Variants in HS3ST4 observed in about 807,000 individuals in gnomAD.
HS3ST4 encodes the protein heparan sulfate glucosamine 3-O-sulfotransferase 4.
HS3ST4 carries 17 observed loss-of-function variants against 29.2 expected under a neutral mutation model. The ratio of observed to expected loss-of-function variants is 0.58; its 90% CI spans 0.40 to 0.87. The LOEUF (loss-of-function observed/expected upper bound fraction) is 0.87, where lower values mean the gene tolerates loss of function less well. Ranked by LOEUF, HS3ST4 falls within the 40% of genes least tolerant of loss-of-function variation. The probability of loss-of-function intolerance (pLI) is 0.00; values close to 1 mark genes in which losing one functional copy is unlikely to be tolerated. For missense variants in HS3ST4, 627 were observed against 634.5 expected, an observed-to-expected ratio of 0.99 and a Z score of 0.13; for synonymous variants, 314 against 285.7, an observed-to-expected ratio of 1.10 and a Z score of -1.00.
intron 1 of HS3ST4, among the ~76,000 whole-genome samples, chr16:25,764,146 G>A (rs77850122): frequency 0.024 from 3,645 of 152,240 alleles, 157 homozygotes; most frequent in East Asian, 0.15. Context: ...AGGTGTGTGC[G>A]GGAAGATGAT....
intron 1 of HS3ST4, among the ~76,000 whole-genome samples, chr16:26,038,720 A>G (rs544296350): frequency 0.016 from 2,465 of 151,858 alleles, 64 homozygotes; most frequent in African/African-American, 0.055. Context: ...GGCTCTCAAA[A>G]TTGTCCAGGC....
intron 1 of HS3ST4, among the ~76,000 whole-genome samples, chr16:25,749,352 G>C (rs1052427604): frequency 3.9e-5 from 6 of 152,028 alleles, no homozygotes; most frequent in Admixed American, 1.3e-4. Flanking sequence ...AAAATTAGCT[G>C]GGCGTGGTGA....
At chr16:26,089,653 A>G (rs1898830521) in intron 1 of HS3ST4, among the ~76,000 whole-genome samples, 1 of 152,238 alleles carries the variant, frequency 6.6e-6, no homozygotes, top group African/African-American at 2.4e-5. Context: ...AGGAAAAGCC[A>G]GAGTTTTGTT....
chr16:25,896,245 C>T (rs972427765), intron 1 of HS3ST4, among the ~76,000 whole-genome samples: 2 of 152,098 alleles, frequency 1.3e-5, no homozygotes, highest in South Asian at 2.1e-4. Flanking sequence ...TCAACAGAGC[C>T]AAGTCAAAAA....
chr16:25,782,889 A>C (rs1966853907), intron 1 of HS3ST4, among the ~76,000 whole-genome samples: 1 of 152,190 alleles, frequency 6.6e-6, no homozygotes, highest in African/African-American at 2.4e-5. Flanking sequence ...TAATAGTTTA[A>C]AAAATCCTTT....
intron 1 of HS3ST4, among the ~76,000 whole-genome samples, chr16:25,963,680 C>T (rs558972814): frequency 1.3e-5 from 2 of 152,346 alleles, no homozygotes; most frequent in East Asian, 1.9e-4. Context: ...TGGAGGCAAA[C>T]GTTCTTCCTC....
intron 1 of HS3ST4, chr16:26,032,671 C>T (rs1842578378): frequency 6.7e-6 from 9 of 1,345,446 alleles, no homozygotes; most frequent in Non-Finnish European, 7.4e-6. Flanking sequence ...TCTCTCCCTT[C>T]TTTGCAGGGG....
chr16:26,073,473 C>G (rs1056487082), intron 1 of HS3ST4, among the ~76,000 whole-genome samples: 2 of 152,098 alleles, frequency 1.3e-5, no homozygotes, highest in African/African-American at 2.4e-5. Flanking sequence ...CTCCCAGGCT[C>G]AGGTGACCCT....
intron 1 of HS3ST4, among the ~76,000 whole-genome samples, chr16:25,978,232 A>T (rs1968964113): frequency 6.6e-6 from 1 of 152,214 alleles, no homozygotes; most frequent in East Asian, 1.9e-4. Flanking sequence ...TAGGACAGTG[A>T]CACATGGTTC....
Position 25,692,669 on chromosome 16 carries a change from GC to G in HS3ST4, c.253del (p.Leu85CysfsTer65). On this transcript the variant is annotated frameshift_variant, in exon 1 of 2. Coordinates refer to ENST00000331351, the MANE Select transcript of HS3ST4 (RefSeq NM_006040.3). LOFTEE classifies it high-confidence loss of function. ...PPPSPPPPSL[L>X]PTPVRLGAPS... ...CGCCGAGCCCGCCGCCACCCTCTCT[GC>G]TGCCTACCCCCGTGCGCCTCGGCGC... is the stretch of plus-strand genomic sequence containing the variant. The G allele has an allele frequency of 2.3e-6, 3 of 1,324,892 alleles. No homozygotes were observed. Among genetic ancestry groups the G allele is most frequent in the Non-Finnish European group, 2.9e-6 (3 of 1,031,332 alleles). The allele number at this position is 1,324,892 out of a possible 1,614,324, so 82.1% of individuals were successfully genotyped here. A position where few individuals can be genotyped will look rare whatever the true frequency, so the allele number is the denominator to read the frequency against.
intron 1 of HS3ST4, among the ~76,000 whole-genome samples, chr16:25,835,837 C>T (rs1967350828): frequency 6.6e-6 from 1 of 152,062 alleles, no homozygotes; most frequent in Non-Finnish European, 1.5e-5. Context: ...TTGTTTTAAC[C>T]ATCTCTATAA....
At chr16:25,755,513 G>A (rs1162318038) in intron 1 of HS3ST4, among the ~76,000 whole-genome samples, 1 of 152,176 alleles carries the variant, frequency 6.6e-6, no homozygotes, top group East Asian at 1.9e-4. Flanking sequence ...TGGGAGATGA[G>A]GATGGAGAAC....
chr16:25,697,097 G>GTTCA (rs753413862), intron 1 of HS3ST4, among the ~76,000 whole-genome samples: 47 of 152,244 alleles, frequency 3.1e-4, no homozygotes, highest in African/African-American at 6.5e-4. Context: ...TATACCCTGT[G>GTTCA]TTCATTCATT....
At chr16:26,062,385 C>A (rs1433312283) in intron 1 of HS3ST4, among the ~76,000 whole-genome samples, 5 of 152,304 alleles carry the variant, frequency 3.3e-5, no homozygotes, top group African/African-American at 7.2e-5. Flanking sequence ...GCACATTAAG[C>A]TTTAATCAAT....
At chr16:26,073,450 C>T (rs11648418) in intron 1 of HS3ST4, among the ~76,000 whole-genome samples, 1 of 152,014 alleles carries the variant, frequency 6.6e-6, no homozygotes, top group African/African-American at 2.4e-5. Context: ...TCTTGGCTCA[C>T]TGTAGCCTTG....
chr16:25,864,715 G>A (rs1967675479), intron 1 of HS3ST4, among the ~76,000 whole-genome samples: 1 of 151,970 alleles, frequency 6.6e-6, no homozygotes, highest in Non-Finnish European at 1.5e-5. Context: ...TCAAGTAACA[G>A]AGTTTCCTTC....
chr16:26,123,565 C>T (rs1169966100), intron 1 of HS3ST4, among the ~76,000 whole-genome samples: 2 of 152,176 alleles, frequency 1.3e-5, no homozygotes, highest in Non-Finnish European at 2.9e-5. Context: ...TTTTGGGGTA[C>T]ATGAATAAGC....
At chr16:25,878,290 G>A (rs946324951) in intron 1 of HS3ST4, among the ~76,000 whole-genome samples, 3 of 152,122 alleles carry the variant, frequency 2.0e-5, no homozygotes, top group African/African-American at 7.2e-5. Context: ...TGGCAAGAGC[G>A]ATCTTCCAGG....
At chr16:25,873,576 T>C (rs1277352150) in intron 1 of HS3ST4, among the ~76,000 whole-genome samples, 1 of 130,312 alleles carries the variant, frequency 7.7e-6, no homozygotes, top group South Asian at 2.5e-4. Context: ...ATCCACCCAT[T>C]TGTCCATCCA....
Sources: gnomAD v4.1 joint callset for allele counts (sites outside exome capture counted in the v4.1 genomes callset) on GRCh38, gnomAD v4.1.1 for gene constraint, MANE v1.5 for transcripts, NCBI Gene and HGNC (gene_info 2026-07-23, HGNC 2026-07-21) for gene names.